Variants in PAFAH2 observed in about 807,000 individuals in gnomAD.
PAFAH2 encodes the protein platelet activating factor acetylhydrolase 2.
Under a neutral mutation model 49.0 loss-of-function variants are expected in PAFAH2, and 42 were observed. The ratio of observed to expected loss-of-function variants is 0.86; its 90% CI spans 0.67 to 1.11. The LOEUF (loss-of-function observed/expected upper bound fraction) is 1.11, where lower values mean the gene tolerates loss of function less well. PAFAH2 is among the 50% of genes least tolerant of loss of function. The probability of loss-of-function intolerance (pLI) is 0.00; values close to 1 mark genes in which losing one functional copy is unlikely to be tolerated. For missense variants in PAFAH2, 503 were observed against 501.8 expected (o/e 1.00, Z -0.02); for synonymous variants, 184 against 181.3 (o/e 1.01, Z -0.12).
intron 1 of PAFAH2, among the ~76,000 whole-genome samples, chr1:25,996,978 C>T (rs1376202787): frequency 1.3e-5 from 2 of 152,198 alleles, no homozygotes; most frequent in Admixed American, 6.5e-5. Flanking sequence ...ACACCCCTAC[C>T]AAAGCCAGTG....
In PAFAH2 at chr1:25,977,666, A is replaced by T. The variant is rs1013570516; in HGVS notation, c.667-893T>A. On this transcript the variant is annotated intron_variant, in intron 7 of 10. Transcript: ENST00000374282. The stretch of plus-strand genomic sequence containing the variant: ...AGACCCTGTCTCCAAAAAAAAAAAA[A>T]AAAAAAATCTATGAAGAAATGAATG... 2.6e-4 allele frequency among the ~76,000 whole-genome samples: 39 copies of T among 151,890 alleles called. No individual in the cohort carries two copies. The East Asian group carries it at 7.4e-3, about 29-fold the overall frequency.
rs561700046 is a variant in PAFAH2, at chr1:25,990,890, C to T, written c.-47-27G>A. 3.3e-5 allele frequency: 41 copies of T among 1,232,996 alleles called. No individual in the cohort carries two copies. In the East Asian group the frequency reaches 8.4e-4, roughly 25 times the overall value. 76.4% of individuals were successfully genotyped at this position (1,232,996 alleles called of 1,614,324 possible). ...TGGATGGGGGAACACAGAACAGCAG[C>T]CGCTTGCTGGTTTCCTCTCGGCTTC... On this transcript the variant is annotated intron_variant, in intron 1 of 10. Transcript: ENST00000374282.
At chr1:25,970,202 C>G (rs2049486594) in intron 10 of PAFAH2, among the ~76,000 whole-genome samples, 1 of 152,146 alleles carries the variant, frequency 6.6e-6, no homozygotes, top group Admixed American at 6.5e-5. Context: ...CGCGATGGCT[C>G]ACACCTGTAA....
intron 10 of PAFAH2, among the ~76,000 whole-genome samples, chr1:25,966,722 T>C (rs1437058334): frequency 6.6e-6 from 1 of 152,072 alleles, no homozygotes; most frequent in Non-Finnish European, 1.5e-5. Context: ...CTTTACCACG[T>C]GCAATATAGC....
intron 1 of PAFAH2, among the ~76,000 whole-genome samples, chr1:25,992,621 C>T (rs2049891536): frequency 6.6e-6 from 1 of 152,184 alleles, no homozygotes; most frequent in Non-Finnish European, 1.5e-5. Flanking sequence ...TCTCATTTTA[C>T]AGATGAGGAA....
chr1:25,984,028 G>C lies in PAFAH2; in HGVS notation c.470C>G (p.Thr157Ser). 6.2e-7 allele frequency: 1 copy of C among 1,614,142 alleles called. No homozygotes were observed. The highest frequency in any genetic ancestry group is 1.1e-5 in the South Asian group (1 of 91,088). ...CKQAPEENQP[T>S]NESLQEEWIP... is the part of the protein sequence containing the mutation. ...CCATTCCTCCTGCAGCGATTCATTG[G>C]TGGGCTGGTTCTCTTCTGGGGCCTG... The change falls in exon 6 of 11, where the codon ACC becomes AGC. Residue 157 changes from threonine (T) to serine (S), a missense_variant. By Grantham distance (58) the Thr-to-Ser change is moderately conservative. Transcript: ENST00000374282.
intron 3 of PAFAH2, among the ~76,000 whole-genome samples, chr1:25,988,947 G>C (rs2049831337): frequency 6.6e-6 from 1 of 152,058 alleles, no homozygotes; most frequent in Admixed American, 6.6e-5. Context: ...GGGGGAAGTG[G>C]ATGACTCAAT....
intron 10 of PAFAH2, among the ~76,000 whole-genome samples, chr1:25,968,052 G>A (rs2049453135): frequency 6.6e-6 from 1 of 152,140 alleles, no homozygotes; most frequent in Admixed American, 6.5e-5. Flanking sequence ...TGTAATCCCA[G>A]CTACTCGGGA....
At chr1:25,977,878 C>G (rs960200416) in intron 7 of PAFAH2, among the ~76,000 whole-genome samples, 1 of 152,072 alleles carries the variant, frequency 6.6e-6, no homozygotes, top group Non-Finnish European at 1.5e-5. Context: ...GCAAAGACTG[C>G]CAGTGCAGGT....
In PAFAH2 at chr1:25,962,013, G is replaced by A; in HGVS notation, c.1155C>T (p.Ala385=). ...CCTACAGGCTGGACAGATGGTGGGGGGCCCCTGGGGTGAGCGACGGTCCAA... is the reference window on the plus strand; with the variant it reads ...CCTACAGGCTGGACAGATGGTGGGGAGCCCCTGGGGTGAGCGACGGTCCAA... ...EGIGPSLTPG[A]PHHLSSL The change falls in exon 11 of 11, where the codon GCC becomes GCT. Residue 385 remains alanine, a synonymous_variant. Transcript: ENST00000374282. 1.2e-6 allele frequency: 2 copies of A among 1,613,878 alleles called. No individual in the cohort carries two copies. The highest frequency in any genetic ancestry group is 1.7e-6 in the Non-Finnish European group (2 of 1,179,876).
intron 7 of PAFAH2, among the ~76,000 whole-genome samples, chr1:25,980,688 C>T (rs2049673496): frequency 6.7e-6 from 1 of 148,884 alleles, no homozygotes; most frequent in Non-Finnish European, 1.5e-5. Context: ...ATACACACAC[C>T]ATTCTTATTC....
chr1:25,965,435 A>AT (rs2049405049), intron 10 of PAFAH2, among the ~76,000 whole-genome samples: 1 of 152,236 alleles, frequency 6.6e-6, no homozygotes, highest in Admixed American at 6.5e-5. Flanking sequence ...ACCACAAAAG[A>AT]AACAATCAAC....
At chr1:25,988,000 G>A (rs2049808747) in intron 4 of PAFAH2, among the ~76,000 whole-genome samples, 1 of 152,158 alleles carries the variant, frequency 6.6e-6, no homozygotes, top group Non-Finnish European at 1.5e-5. Context: ...ATAAATGCTG[G>A]ACCATGAGAA....
At chr1:25,991,349 T>C (rs1477762556) in intron 1 of PAFAH2, among the ~76,000 whole-genome samples, 1 of 151,984 alleles carries the variant, frequency 6.6e-6, no homozygotes, top group Non-Finnish European at 1.5e-5. Flanking sequence ...GGCATGATCT[T>C]GCTCGCTGCA....
In PAFAH2 at chr1:25,971,584, A is replaced by G. The variant is rs115300450; in HGVS notation, c.1084+974T>C. ...TGTCGTGAGAGGAAGACACAGAGAG[A>G]CTGAACCCATGAGACAGACGGAAAG... is the stretch of plus-strand genomic sequence containing the variant. On this transcript the variant is annotated intron_variant, in intron 10 of 10. Transcript: ENST00000374282. Among the ~76,000 whole-genome samples, 444 of 152,254 alleles carry G rather than the reference A, an allele frequency of 2.9e-3. 1 individual carries two copies. Among genetic ancestry groups the G allele is most frequent in the African/African-American group, 9.3e-3 (388 of 41,530 alleles).
intron 7 of PAFAH2, 53 bp downstream of exon 7, chr1:25,982,310 TA>T: frequency 7.7e-7 from 1 of 1,292,572 alleles, no homozygotes; most frequent in Non-Finnish European, 1.1e-6. Flanking sequence ...CTGTTACTTG[TA>T]ACCGAGAAAA....
chr1:25,990,809 AC>A lies in PAFAH2; in HGVS notation c.7del (p.Val3SerfsTer16), dbSNP rs1352677452. 6 of 1,613,264 alleles carry A rather than the reference AC, an allele frequency of 3.7e-6. No homozygotes were observed. Among genetic ancestry groups the A allele is most frequent in the South Asian group, 2.2e-5 (2 of 90,952 alleles). Reference protein sequence around the residue: MGVNQSVGFPPVT... With the variant: MGXNQSVGFPPVT... ...AGGTGGAAAGCCCACAGACTGGTTG[AC>A]CCCCATTTCATCACCGGGTGAATCA... is the stretch of plus-strand genomic sequence containing the variant. On this transcript the variant is annotated frameshift_variant, in exon 2 of 11. Coordinates refer to ENST00000374282, the MANE Select transcript of PAFAH2 (RefSeq NM_000437.4). LOFTEE classifies it high-confidence loss of function.
chr1:25,990,288 GA>G (rs1170175739), intron 2 of PAFAH2, among the ~76,000 whole-genome samples: 3 of 152,096 alleles, frequency 2.0e-5, no homozygotes, highest in Non-Finnish European at 4.4e-5. Context: ...GTCAAAGCAG[GA>G]GGGGAAAACA....
chr1:25,965,817 CAAAAAAAAAAA>C (rs56272061), intron 10 of PAFAH2, among the ~76,000 whole-genome samples: 3 of 17,388 alleles, frequency 1.7e-4, no homozygotes, highest in East Asian at 2.4e-3. Context: ...GACTTTGTCT[CAAAAAAAAAAA>C]AAAAAAAAAA....
Sources: allele counts gnomAD v4.1 joint callset (sites outside exome capture counted in the v4.1 genomes callset), GRCh38; gene constraint gnomAD v4.1.1; transcripts MANE v1.5; gene names NCBI Gene and HGNC (gene_info 2026-07-23, HGNC 2026-07-21).